The following SYNRG variants were observed in gnomAD, a reference collection of about 807,000 sequenced individuals.
SYNRG encodes AP1 gamma subunit binding protein 1.
SYNRG carries 37 observed loss-of-function variants against 130.9 expected under a neutral mutation model. The ratio of observed to expected loss-of-function variants is 0.28; its 90% CI spans 0.22 to 0.37. The LOEUF (loss-of-function observed/expected upper bound fraction) is 0.37. Ranked by LOEUF, SYNRG falls within the 10% of genes least tolerant of loss-of-function variation. The pLI, the probability that SYNRG is intolerant of heterozygous loss-of-function variation, is 1.00. For missense variants in SYNRG, 1,338 were observed against 1,588.9 expected (o/e 0.84, Z 2.68); for synonymous variants, 539 against 568.1 (o/e 0.95, Z 0.73).
At chr17:37,543,782 A>G (rs190508329) in intron 14 of SYNRG, among the ~76,000 whole-genome samples, 1 of 152,326 alleles carries the variant, frequency 6.6e-6, no homozygotes, top group East Asian at 1.9e-4. Flanking sequence ...TACTAGGAGA[A>G]AATTTTCTTG....
chr17:37,582,118 C>T (rs1372805104), intron 6 of SYNRG, among the ~76,000 whole-genome samples: 1 of 152,086 alleles, frequency 6.6e-6, no homozygotes, highest in African/African-American at 2.4e-5. Context: ...TCTATTGTCA[C>T]AATAAGCAGT....
In SYNRG at chr17:37,542,539, A is replaced by C; in HGVS notation, c.2635T>G (p.Phe879Val). 1 of 1,611,936 alleles carries C rather than the reference A, an allele frequency of 6.2e-7. No homozygotes were observed. ...GCAAAATTGCTACTGTAGCTTCCAA[A>C]AGCAGCATATTTTAAGTCCTCTATA... ...ADIEDLKYAA[F>V]GSYSSNFAVS... The change falls in exon 15 of 22, where the codon TTT (phenylalanine) becomes GTT (valine). Residue 879 changes from phenylalanine (F) to valine (V), a missense_variant. This residue lies in a region of SYNRG where 1,146 missense variants were observed against 1,342.3 expected (regional missense o/e 0.85). Coordinates refer to ENST00000612223, the MANE Select transcript of SYNRG (RefSeq NM_007247.6).
rs1172083512 is a variant in SYNRG at position 37,525,758 on chromosome 17, GCT to G, written c.3667-5112_3667-5111del. 6.9e-3 allele frequency among the ~76,000 whole-genome samples: 1,056 copies of G among 152,334 alleles called. 14 individuals carry two copies. Among genetic ancestry groups the G allele is most frequent in the African/African-American group, 0.024 (1,005 of 41,564 alleles). ...CAAGGCGGGCGGATCACGAGGTCAGGCTTTGGAGACCAGCCTGGCCAACATGG... is the reference window on the plus strand; with the variant it reads ...CAAGGCGGGCGGATCACGAGGTCAGGTTGGAGACCAGCCTGGCCAACATGG... On this transcript the variant is annotated intron_variant, in intron 19 of 21. Coordinates refer to ENST00000612223, the MANE Select transcript of SYNRG (RefSeq NM_007247.6).
At chr17:37,543,947 G>A (rs554401752) in intron 14 of SYNRG, among the ~76,000 whole-genome samples, 1 of 152,358 alleles carries the variant, frequency 6.6e-6, no homozygotes, top group Non-Finnish European at 1.5e-5. Flanking sequence ...GATTTACAAG[G>A]AAAGTGCTCA....
intron 17 of SYNRG, chr17:37,538,980 G>A: frequency 1.1e-6 from 1 of 880,594 alleles, no homozygotes; most frequent in Non-Finnish European, 1.4e-6. Flanking sequence ...AATGACAGAT[G>A]AGGGGATGAC....
rs764755458 is a variant in SYNRG at position 37,540,537 on chromosome 17, T to G, written c.3209A>C (p.His1070Pro). ...ATFDLSVQGS[H>P]KRSLSLGDKE... Reference sequence around the variant, plus strand: ...ATCACCAAGGCTCAAACTCCTCTTGTGTGATCCTGGGAGAAGGGGATAATA... The same window carrying G: ...ATCACCAAGGCTCAAACTCCTCTTGGGTGATCCTGGGAGAAGGGGATAATA... The change falls in exon 16 of 22, where the codon CAC becomes CCC. Residue 1070 changes from histidine to proline, a missense_variant. His to Pro is a moderately conservative substitution (Grantham distance 77, BLOSUM62 -2). This residue lies in a region of SYNRG where 1,146 missense variants were observed against 1,342.3 expected (regional missense o/e 0.85). Coordinates refer to ENST00000612223, the MANE Select transcript of SYNRG (RefSeq NM_007247.6). 1.9e-6 allele frequency: 3 copies of G among 1,613,966 alleles called. No individual in the cohort carries two copies. The highest frequency in any genetic ancestry group is 2.5e-6 in the Non-Finnish European group (3 of 1,179,966).
intron 14 of SYNRG, among the ~76,000 whole-genome samples, chr17:37,552,141 G>C (rs1454997318): frequency 6.6e-6 from 1 of 152,080 alleles, no homozygotes; most frequent in African/African-American, 2.4e-5. Flanking sequence ...CTGTAAACTT[G>C]GAAGTGTCTC....
intron 19 of SYNRG, among the ~76,000 whole-genome samples, chr17:37,523,757 G>A (rs1260975309): frequency 1.3e-5 from 2 of 152,206 alleles, no homozygotes; most frequent in Non-Finnish European, 2.9e-5. Flanking sequence ...AAGGTGGGGG[G>A]AGAAGGTGGA....
chr17:37,609,376 G>T lies in SYNRG; in HGVS notation c.-21C>A. On this transcript the variant is annotated 5_prime_UTR_variant, in exon 1 of 22. Transcript: ENST00000612223. ...GCCATCTTGCTCCCGACCTGCCGCT[G>T]CCTTCGCCGCCGCCACCTTATCAGC... The T allele has an allele frequency of 7.1e-7, 1 of 1,408,004 alleles. No individual in the cohort carries two copies. The highest frequency in any genetic ancestry group is 9.2e-7 in the Non-Finnish European group (1 of 1,085,178). 87.2% of individuals were successfully genotyped at this position (1,408,004 alleles called of 1,614,324 possible). A position where few individuals can be genotyped will look rare whatever the true frequency, so the allele number is the denominator to read the frequency against.
rs191904902 is a variant in SYNRG, at chr17:37,560,724, G to A, written c.1663+471C>T. 9.2e-3 allele frequency among the ~76,000 whole-genome samples: 1,378 copies of A among 149,944 alleles called. 6 individuals carry two copies. The highest frequency in any genetic ancestry group is 0.015 in the Non-Finnish European group (996 of 67,744). ...GCTCTGTCACCCAGACTGGAGTGCA[G>A]TGGCACAATCTCAGCTCACTGCAAC... On this transcript the variant is annotated intron_variant, in intron 13 of 21. Transcript: ENST00000612223.
intron 19 of SYNRG, among the ~76,000 whole-genome samples, chr17:37,525,989 C>T (rs886223748): frequency 2.0e-5 from 3 of 151,876 alleles, no homozygotes; most frequent in Admixed American, 6.6e-5. Flanking sequence ...AACAATTGGC[C>T]GGACGTGGTG....
intron 2 of SYNRG, among the ~76,000 whole-genome samples, chr17:37,596,715 T>C (rs2062807219): frequency 6.6e-6 from 1 of 152,144 alleles, no homozygotes; most frequent in Admixed American, 6.6e-5. Context: ...CTGATCAGTA[T>C]AACCAACAGG....
Position 37,609,406 on chromosome 17 carries a change from G to T in SYNRG, c.-51C>A, listed in dbSNP as rs1184652720. Reference sequence around the variant, plus strand: ...CGCCGCCGCCACCTTATCAGCAGCTGTCAGCTGAACACAGCCACTTCCGGG... The same window carrying T: ...CGCCGCCGCCACCTTATCAGCAGCTTTCAGCTGAACACAGCCACTTCCGGG... On this transcript the variant is annotated 5_prime_UTR_variant, in exon 1 of 22. Coordinates refer to ENST00000612223, the MANE Select transcript of SYNRG (RefSeq NM_007247.6). 1 of 1,379,810 alleles carries T rather than the reference G, an allele frequency of 7.2e-7. No homozygotes were observed. Among genetic ancestry groups the T allele is most frequent in the Non-Finnish European group, 9.3e-7 (1 of 1,070,476 alleles). 85.5% of individuals were successfully genotyped at this position (1,379,810 alleles called of 1,614,324 possible). A position where few individuals can be genotyped will look rare whatever the true frequency, so the allele number is the denominator to read the frequency against.
At chr17:37,597,559 G>A (rs1210643587) in intron 2 of SYNRG, among the ~76,000 whole-genome samples, 2 of 152,140 alleles carry the variant, frequency 1.3e-5, no homozygotes, top group African/African-American at 4.8e-5. Flanking sequence ...TATGCTCAAA[G>A]AAATGTTATT....
Position 37,596,222 on chromosome 17 carries a change from C to T in SYNRG, c.240+1G>A, listed in dbSNP as rs1430017646. 1 of 1,613,248 alleles carries T rather than the reference C, an allele frequency of 6.2e-7. No individual in the cohort carries two copies. The highest frequency in any genetic ancestry group is 1.3e-5 in the African/African-American group (1 of 74,894). ...AAGAAACCAACTAAAGAAGCAAGTA[C>T]CTGCATAGCAATAGGTCCTTGGGAC... is the stretch of plus-strand genomic sequence containing the variant. On this transcript the variant is annotated splice_donor_variant, in intron 3 of 21. Coordinates refer to ENST00000612223, the MANE Select transcript of SYNRG (RefSeq NM_007247.6). LOFTEE classifies it high-confidence loss of function.
At chr17:37,579,789 C>G (rs930684789) in intron 6 of SYNRG, among the ~76,000 whole-genome samples, 1 of 152,206 alleles carries the variant, frequency 6.6e-6, no homozygotes, top group Non-Finnish European at 1.5e-5. Context: ...ATGATCATAG[C>G]AGCCTGAAAC....
rs2054542227 is a variant in SYNRG at position 37,517,824 on chromosome 17, C to G, written c.*1116G>C. On this transcript the variant is annotated 3_prime_UTR_variant, in exon 22 of 22. Transcript: ENST00000612223. The stretch of plus-strand genomic sequence containing the variant: ...TCCCAGGAATAACACAGCTCTTAGC[C>G]ACTTGGGTTTTTCCCCTAATTTTAT... 6.6e-6 allele frequency: 1 copy of G among 152,062 alleles called. No individual in the cohort carries two copies. Among genetic ancestry groups the G allele is most frequent in the African/African-American group, 2.4e-5 (1 of 41,396 alleles). 9.4% of individuals were successfully genotyped at this position (152,062 alleles called of 1,614,324 possible).
intron 1 of SYNRG, among the ~76,000 whole-genome samples, chr17:37,608,801 G>A (rs1356635063): frequency 6.6e-6 from 1 of 152,108 alleles, no homozygotes; most frequent in Non-Finnish European, 1.5e-5. Context: ...CTCTAAAAGG[G>A]GAAGAGACAA....
intron 18 of SYNRG, among the ~76,000 whole-genome samples, chr17:37,537,983 G>A (rs899616924): frequency 5.9e-5 from 9 of 152,198 alleles, no homozygotes; most frequent in African/African-American, 1.7e-4. Flanking sequence ...TTAAGCGGTC[G>A]AGAGAAAGAA....
Sources: allele counts gnomAD v4.1 joint callset (sites outside exome capture counted in the v4.1 genomes callset), GRCh38; gene constraint gnomAD v4.1.1; regional missense constraint gnomAD v4.1.1; transcripts MANE v1.5; gene names NCBI Gene and HGNC (gene_info 2026-07-23, HGNC 2026-07-21).